ELMO1: variants seen among roughly 807,000 people sequenced by gnomAD.
ELMO1 encodes the protein engulfment and cell motility 1, also known as engulfment and cell motility protein 1.
ELMO1 carries 26 observed loss-of-function variants against 98.9 expected under a neutral mutation model. The observed-to-expected ratio is 0.26, with a 90% CI of 0.19 to 0.36. The LOEUF is 0.36. Among genes scored for constraint, ELMO1 ranks in the 10% least tolerant of loss-of-function variants. ELMO1 has a pLI of 1.00. For missense variants in ELMO1, 627 were observed against 935.2 expected, an observed-to-expected ratio of 0.67 and a Z score of 4.30; for synonymous variants, 346 against 346.0, an observed-to-expected ratio of 1.00 and a Z score of 0.00.
intron 1 of ELMO1, among the ~76,000 whole-genome samples, chr7:37,416,402 A>C (rs1804215486): frequency 6.6e-6 from 1 of 152,218 alleles, no homozygotes; most frequent in Non-Finnish European, 1.5e-5. Flanking sequence ...GAATAATTAA[A>C]CTGGGAGAAT....
intron 15 of ELMO1, among the ~76,000 whole-genome samples, chr7:37,093,522 T>C (rs566571356): frequency 5.3e-5 from 8 of 152,312 alleles, no homozygotes; most frequent in Non-Finnish European, 1.0e-4. Flanking sequence ...TGGAGAAAAA[T>C]AATCACATAC....
chr7:37,292,742 G>C (rs1486495106), intron 4 of ELMO1, among the ~76,000 whole-genome samples: 5 of 109,122 alleles, frequency 4.6e-5, no homozygotes, highest in Non-Finnish European at 8.4e-5. Flanking sequence ...GAGGTGGGGG[G>C]GTCAGCCCCC....
At position 36,854,552 on chromosome 7, in the gene ELMO1, A is replaced by C. The variant is rs75564140; in HGVS notation, c.*999T>G. On this transcript the variant is annotated 3_prime_UTR_variant, in exon 22 of 22. Transcript: ENST00000310758. ...CAAAAACAAAGCAAAAAAAAAAAAAAAAACTAACCCAAAACTCTTGCAAAT... is the reference window on the plus strand; with the variant it reads ...CAAAAACAAAGCAAAAAAAAAAAAACAAACTAACCCAAAACTCTTGCAAAT... The C allele has an allele frequency of 4.3e-3, 656 of 152,582 alleles. 16 individuals carry two copies. The East Asian group carries it at 0.075, about 17-fold the overall frequency. The allele number at this position is 152,582 out of a possible 1,614,324, so 9.5% of individuals were successfully genotyped here.
intron 1 of ELMO1, among the ~76,000 whole-genome samples, chr7:37,410,976 C>T (rs1803972564): frequency 6.6e-6 from 1 of 152,214 alleles, no homozygotes; most frequent in Admixed American, 6.5e-5. Context: ...GTTTACTGCA[C>T]ACCAGGCACT....
chr7:37,173,776 C>T (rs938198704), intron 13 of ELMO1, among the ~76,000 whole-genome samples: 1 of 152,232 alleles, frequency 6.6e-6, no homozygotes, highest in African/African-American at 2.4e-5. Flanking sequence ...CTTTCCTCTT[C>T]AGCCTCTACT....
intron 1 of ELMO1, among the ~76,000 whole-genome samples, chr7:37,347,855 C>G (rs1230948410): frequency 1.3e-5 from 2 of 152,150 alleles, no homozygotes; most frequent in African/African-American, 4.8e-5. Context: ...TCTCATCAGG[C>G]TCTCCAGGAA....
intron 16 of ELMO1, among the ~76,000 whole-genome samples, chr7:36,920,663 T>G (rs552365523): frequency 6.6e-6 from 1 of 152,344 alleles, no homozygotes; most frequent in Non-Finnish European, 1.5e-5. Flanking sequence ...ATAGCCATAT[T>G]AAATCCCTCT....
chr7:37,075,625 T>A (rs1396856675), intron 15 of ELMO1, among the ~76,000 whole-genome samples: 1 of 152,184 alleles, frequency 6.6e-6, no homozygotes, highest in South Asian at 2.1e-4. Context: ...TTAAAAGACA[T>A]GTCTTGTGGC....
intron 1 of ELMO1, among the ~76,000 whole-genome samples, chr7:37,442,647 C>T (rs1177906026): frequency 6.6e-6 from 1 of 152,200 alleles, no homozygotes; most frequent in African/African-American, 2.4e-5. Flanking sequence ...TCCATTGACT[C>T]TCAAAACTAA....
At chr7:37,189,688 G>C (rs950185999) in intron 13 of ELMO1, among the ~76,000 whole-genome samples, 2 of 152,080 alleles carry the variant, frequency 1.3e-5, no homozygotes, top group Non-Finnish European at 2.9e-5. Context: ...CACATTTCCA[G>C]GGAAGAATTC....
At chr7:37,185,734 G>A (rs1222315687) in intron 13 of ELMO1, among the ~76,000 whole-genome samples, 1 of 152,042 alleles carries the variant, frequency 6.6e-6, no homozygotes, top group Non-Finnish European at 1.5e-5. Flanking sequence ...GAATGAAATA[G>A]GAATAAATTT....
Position 37,396,207 on chromosome 7 carries a change from A to G in ELMO1, c.-74+52468T>C, listed in dbSNP as rs536759811. 4.6e-5 allele frequency among the ~76,000 whole-genome samples: 7 copies of G among 152,160 alleles called. No homozygotes were observed. In the South Asian group the frequency reaches 1.5e-3, roughly 32 times the overall value. On this transcript the variant is annotated intron_variant, in intron 1 of 21. Transcript: ENST00000310758. ...CTTTGAGCCTCCTTTCTTCCTAAGC[A>G]CAGTAGACATAATGATAAGCTCACC...
chr7:37,285,245 G>A (rs1291532939), intron 4 of ELMO1, among the ~76,000 whole-genome samples: 1 of 152,204 alleles, frequency 6.6e-6, no homozygotes, highest in Non-Finnish European at 1.5e-5. Context: ...CAAACTGGAG[G>A]CCATAGCTTC....
At chr7:36,938,813 T>C (rs1007429002) in intron 16 of ELMO1, among the ~76,000 whole-genome samples, 7 of 117,548 alleles carry the variant, frequency 6.0e-5, no homozygotes, top group Non-Finnish European at 9.1e-5. Context: ...ATGAGAGAGA[T>C]TTTTTTGTCT....
chr7:37,126,147 T>C (rs544536956), intron 14 of ELMO1, among the ~76,000 whole-genome samples: 10 of 151,366 alleles, frequency 6.6e-5, no homozygotes, highest in Admixed American at 2.6e-4. Flanking sequence ...GGGCCTGATG[T>C]GGGGTGGGAG....
At chr7:37,227,179 TAC>T (rs1279700817) in intron 8 of ELMO1, among the ~76,000 whole-genome samples, 1 of 152,208 alleles carries the variant, frequency 6.6e-6, no homozygotes, top group Non-Finnish European at 1.5e-5. Context: ...TCCGTTTTGA[TAC>T]AGAGTATATA....
intron 12 of ELMO1, among the ~76,000 whole-genome samples, chr7:37,212,945 G>A (rs1304225490): frequency 3.9e-5 from 6 of 152,146 alleles, no homozygotes; most frequent in Non-Finnish European, 7.4e-5. Context: ...CCTGGAGAAC[G>A]AAAATTGCTA....
At chr7:37,352,927 T>C (rs1801336236) in intron 1 of ELMO1, 1 of 152,216 alleles carries the variant, frequency 6.6e-6, no homozygotes, top group South Asian at 2.1e-4. Flanking sequence ...ACAGCCTGCA[T>C]CCAGGTACCA....
At chr7:37,002,231 A>T (rs1484525648) in intron 16 of ELMO1, 1 of 152,238 alleles carries the variant, frequency 6.6e-6, no homozygotes, top group Non-Finnish European at 1.5e-5. Context: ...CAGCTCAATC[A>T]CTTGAGCAAC....
Sources: gnomAD v4.1 joint callset for allele counts (sites outside exome capture counted in the v4.1 genomes callset) on GRCh38, gnomAD v4.1.1 for gene constraint, MANE v1.5 for transcripts, NCBI Gene and HGNC (gene_info 2026-07-23, HGNC 2026-07-21) for gene names.